The following FMO4 variants were observed in gnomAD, a reference collection of about 807,000 sequenced individuals.
The protein encoded by FMO4 is dimethylaniline monooxygenase [N-oxide-forming] 4.
FMO4 carries 38 observed loss-of-function variants against 43.3 expected under a neutral mutation model. The ratio of observed to expected loss-of-function variants is 0.88; its 90% confidence interval spans 0.68 to 1.15. The LOEUF is 1.15. Among genes scored for constraint, FMO4 ranks in the 50% most tolerant of loss-of-function variants. The pLI is 0.00. For missense variants in FMO4, 631 were observed against 663.3 expected (o/e 0.95, Z 0.54); for synonymous variants, 224 against 232.2 (o/e 0.96, Z 0.32).
Position 171,323,140 on chromosome 1 carries a change from A to C in FMO4, c.269A>C (p.Tyr90Ser). 6.2e-7 allele frequency: 1 copy of C among 1,613,814 alleles called. No homozygotes were observed. The highest frequency in any genetic ancestry group is 1.1e-5 in the South Asian group (1 of 91,074). Residue 90 changes from tyrosine to serine, a missense_variant, in exon 4 of 10, where the codon TAT (tyrosine) becomes TCT (serine). Transcript: ENST00000367749. ...ATGAACCATGAAAAATTTTGGGACT[A>C]TCTCCAAGAATTTGCTGAGCACTTT... ...NFMNHEKFWD[Y>S]LQEFAEHFDL...
chr1:171,341,020 G>C (rs1663351531), intron 9 of FMO4, among the ~76,000 whole-genome samples: 1 of 151,944 alleles, frequency 6.6e-6, no homozygotes, highest in African/African-American at 2.4e-5. Flanking sequence ...TAGTTTTAGA[G>C]GCATTGTTAG....
At position 171,319,925 on chromosome 1, in the gene FMO4, A is replaced by G; in HGVS notation, c.100A>G (p.Ser34Gly). 1 of 1,613,910 alleles carries G rather than the reference A, an allele frequency of 6.2e-7. No individual in the cohort carries two copies. Reference sequence around the variant, plus strand: ...CCTGGAGCCCACCTGCTTTGAGAGAAGTGATGACATTGGGGGATTATGGAA... The same window carrying G: ...CCTGGAGCCCACCTGCTTTGAGAGAGGTGATGACATTGGGGGATTATGGAA... The part of the protein sequence containing the change: ...EDLEPTCFER[S>G]DDIGGLWKFT... Residue 34 changes from serine (S) to glycine (G), a missense_variant, in exon 3 of 10, where the codon AGT becomes GGT. By Grantham distance (56) the Ser-to-Gly change is moderately conservative (BLOSUM62 0). Transcript: ENST00000367749.
At chr1:171,315,354 T>G (rs1662155591) in intron 1 of FMO4, among the ~76,000 whole-genome samples, 1 of 152,086 alleles carries the variant, frequency 6.6e-6, no homozygotes, top group Admixed American at 6.5e-5. Context: ...AAGTCCACTT[T>G]ATAGTTTGCA....
chr1:171,340,262 A>T (rs777918398), intron 9 of FMO4, among the ~76,000 whole-genome samples: 6 of 152,216 alleles, frequency 3.9e-5, no homozygotes, highest in Non-Finnish European at 8.8e-5. Context: ...TCTACCAGGC[A>T]AATTCACTGT....
rs368675869 is a variant in FMO4, at chr1:171,338,691, A to C, written c.1250+1266A>C. 4.5e-4 allele frequency among the ~76,000 whole-genome samples: 69 copies of C among 152,130 alleles called. No homozygotes were observed. In the East Asian group the frequency reaches 7.7e-3, roughly 17 times the overall value. ...ACAACACTATATGTGACAGCAACCC[A>C]CCCTGACTCACCATTGCCTCTCCCC... is the stretch of plus-strand genomic sequence containing the variant. On this transcript the variant is annotated intron_variant, in intron 9 of 9. Coordinates refer to ENST00000367749, the MANE Select transcript of FMO4 (RefSeq NM_002022.3).
chr1:171,329,012 T>C (rs955079371), intron 5 of FMO4, among the ~76,000 whole-genome samples: 1 of 152,182 alleles, frequency 6.6e-6, no homozygotes, highest in Non-Finnish European at 1.5e-5. Flanking sequence ...AGCTTCTCCC[T>C]CCACCGTCTG....
At chr1:171,338,861 A>G (rs915968086) in intron 9 of FMO4, among the ~76,000 whole-genome samples, 7 of 152,120 alleles carry the variant, frequency 4.6e-5, no homozygotes, top group Admixed American at 2.0e-4. Context: ...TTTGTTCACT[A>G]TTGGATCTCC....
intron 5 of FMO4, among the ~76,000 whole-genome samples, chr1:171,328,078 T>C (rs1662739259): frequency 6.6e-6 from 1 of 152,132 alleles, no homozygotes; most frequent in Non-Finnish European, 1.5e-5. Flanking sequence ...TTTGCTCTTG[T>C]TCCCCAGGCT....
intron 3 of FMO4, among the ~76,000 whole-genome samples, chr1:171,321,039 T>C (rs1324802947): frequency 2.6e-5 from 4 of 151,130 alleles, no homozygotes; most frequent in Non-Finnish European, 5.9e-5. Flanking sequence ...AGGATTATAG[T>C]ATACTAGGAG....
rs528570904 is a variant in FMO4 at position 171,322,546 on chromosome 1, G to C, written c.133-458G>C. Among the ~76,000 whole-genome samples, 40 of 152,252 alleles carry C rather than the reference G, an allele frequency of 2.6e-4. No individual in the cohort carries two copies. The South Asian group carries it at 8.3e-3, about 32-fold the overall frequency. On this transcript the variant is annotated intron_variant, in intron 3 of 9. Coordinates refer to ENST00000367749, the MANE Select transcript of FMO4 (RefSeq NM_002022.3). The stretch of plus-strand genomic sequence containing the variant: ...TTAGAGACCTAATGCTGGGTTTCCT[G>C]GAACTCTTTAAAATTACAAATAGTG...
At chr1:171,321,069 G>T (rs115260940) in intron 3 of FMO4, among the ~76,000 whole-genome samples, 4 of 151,910 alleles carry the variant, frequency 2.6e-5, no homozygotes, top group Admixed American at 6.6e-5. Flanking sequence ...ATGGTATATT[G>T]TTAACCTCAT....
rs186665903 is a variant in FMO4, at chr1:171,323,308, G to A, written c.321+116G>A. 3.2e-4 allele frequency: 219 copies of A among 684,788 alleles called. No individual in the cohort carries two copies. The African/African-American group carries it at 3.6e-3, about 11-fold the overall frequency. 42.4% of individuals were successfully genotyped at this position (684,788 alleles called of 1,614,324 possible). ...ATTGATTTTATCTCCAAATAAATAG[G>A]AAGATAATAAGGACTCCTCACTTCC... is the stretch of plus-strand genomic sequence containing the variant. On this transcript the variant is annotated intron_variant, in intron 4 of 9. Transcript: ENST00000367749.
chr1:171,340,954 T>C (rs1292425564), intron 9 of FMO4, among the ~76,000 whole-genome samples: 1 of 152,054 alleles, frequency 6.6e-6, no homozygotes. Context: ...GTGTAAAAAA[T>C]GGAAAAAAAC....
chr1:171,324,443 T>A, intron 5 of FMO4, 143 bp downstream of exon 5: 1 of 607,978 alleles, frequency 1.6e-6, no homozygotes, highest in Non-Finnish European at 2.8e-6. Context: ...AAAATTACTT[T>A]AAAAGTTGTA....
At chr1:171,329,801 C>T (rs714839) in intron 5 of FMO4, among the ~76,000 whole-genome samples, 67,111 of 152,046 alleles carry the variant, frequency 0.44, 15,247 homozygotes, top group South Asian at 0.58. Flanking sequence ...ACAAAACTGG[C>T]CTCACACACA....
intron 5 of FMO4, among the ~76,000 whole-genome samples, chr1:171,330,169 A>G (rs1157383015): frequency 6.6e-6 from 1 of 152,240 alleles, no homozygotes; most frequent in Admixed American, 6.5e-5. Context: ...TAATCTTTGT[A>G]TATTGACACT....
intron 5 of FMO4, 63 bp downstream of exon 5, chr1:171,324,363 G>A (rs1662574696): frequency 7.4e-7 from 1 of 1,346,472 alleles, no homozygotes; most frequent in Admixed American, 2.4e-5. Flanking sequence ...TAAACTTATT[G>A]ATTTGCAGTT....
intron 2 of FMO4, among the ~76,000 whole-genome samples, chr1:171,316,998 C>T (rs918802550): frequency 2.0e-5 from 3 of 152,108 alleles, no homozygotes; most frequent in African/African-American, 7.2e-5. Context: ...AAGCCCATCC[C>T]AAAGGTGCAG....
rs556227784 is a variant in FMO4, at chr1:171,323,205, G to C, written c.321+13G>C. On this transcript the variant is annotated intron_variant, in intron 4 of 9. Coordinates refer to ENST00000367749, the MANE Select transcript of FMO4 (RefSeq NM_002022.3). Reference sequence around the variant, plus strand: ...CATTCAGTTTAAGGTAAGATACTTTGGGTTATGGAAGATGAATAGATGGGG... The same window carrying C: ...CATTCAGTTTAAGGTAAGATACTTTCGGTTATGGAAGATGAATAGATGGGG... 8.2e-6 allele frequency: 13 copies of C among 1,590,170 alleles called. No homozygotes were observed. The African/African-American group carries it at 1.3e-4, about 17-fold the overall frequency.
Sources: gnomAD v4.1 joint callset for allele counts (sites outside exome capture counted in the v4.1 genomes callset) on GRCh38, gnomAD v4.1.1 for gene constraint, MANE v1.5 for transcripts, NCBI Gene and HGNC (gene_info 2026-07-23, HGNC 2026-07-21) for gene names.